The following ITIH5 variants were observed in gnomAD, a reference collection of about 807,000 sequenced individuals.
ITIH5 encodes the protein inter-alpha-trypsin inhibitor heavy chain H5.
ITIH5 carries 65 observed loss-of-function variants against 77.5 expected under a neutral mutation model. That is an observed-to-expected ratio of 0.84 (90% CI 0.69 to 1.03). ITIH5 has a LOEUF of 1.03. Ranked by LOEUF, ITIH5 falls within the 50% of genes least tolerant of loss-of-function variation. The pLI is 0.00. For missense variants in ITIH5, 1,208 were observed against 1,213.1 expected (o/e 1.00, Z 0.06); for synonymous variants, 525 against 494.3 (o/e 1.06, Z -0.82).
rs556807373 is a variant in ITIH5 at position 7,579,787 on chromosome 10, G to C, written c.1386C>G (p.His462Gln). 3.1e-6 allele frequency: 5 copies of C among 1,614,018 alleles called. No individual in the cohort carries two copies. In the East Asian group the frequency reaches 1.1e-4, roughly 36 times the overall value. Residue 462 changes from histidine to glutamine, a missense_variant, in exon 9 of 14, where the codon CAC becomes CAG. Physicochemically the swap from His to Gln is conservative, Grantham distance 24. Transcript: ENST00000397146. ...LENCGLTRRV[H>Q]EEEDAGSQLI... ...GCTGCGAGCCTGCGTCCTCCTCCTCGTGCACGCGCCGTGTGAGGCCACAGT... is the reference window on the plus strand; with the variant it reads ...GCTGCGAGCCTGCGTCCTCCTCCTCCTGCACGCGCCGTGTGAGGCCACAGT...
chr10:7,569,707 C>T lies in ITIH5; in HGVS notation c.2110G>A (p.Gly704Arg), dbSNP rs200227889. Residue 704 changes from glycine (G) to arginine (R), a missense_variant, in exon 12 of 14, where the codon GGG (glycine) becomes AGG (arginine). Transcript: ENST00000397146. ...TCAGAGACCAGCCTGAGGATGTCCC[C>T]GGGCTGCCCATCAATGTTGAAGCAC... ...TVCFNIDGQP[G>R]DILRLVSDHR... 5.3e-5 allele frequency: 85 copies of T among 1,612,260 alleles called. 1 individual carries two copies. The highest frequency in any genetic ancestry group is 9.3e-5 in the African/African-American group (7 of 74,922).
intron 5 of ITIH5, among the ~76,000 whole-genome samples, chr10:7,624,920 T>C (rs1283964751): frequency 7.0e-6 from 1 of 142,624 alleles, no homozygotes; most frequent in South Asian, 2.2e-4. Context: ...TATATATATA[T>C]ATGCATTATC....
At position 7,645,643 on chromosome 10, in the gene ITIH5, G is replaced by T. The variant is rs150680483; in HGVS notation, c.136-3553C>A. ...GATTTACGGCAAAGCTAAAACTGAG[G>T]AATAAAACCTTTGGGTTTAGGAAAT... On this transcript the variant is annotated intron_variant, in intron 2 of 13. Transcript: ENST00000397146. Among the ~76,000 whole-genome samples, 15 of 152,292 alleles carry T rather than the reference G, an allele frequency of 9.8e-5. No individual in the cohort carries two copies. In the East Asian group the frequency reaches 2.9e-3, roughly 29 times the overall value.
chr10:7,566,465 A>C, intron 12 of ITIH5, 58 bp from the exon 13 acceptor site: 8 of 1,520,770 alleles, frequency 5.3e-6, no homozygotes, highest in East Asian at 2.3e-5. Context: ...GTGGTGGCTC[A>C]CACCTGTAAT....
rs941965314 is a variant in ITIH5, at chr10:7,565,907, A to G, written c.2527+123T>C. ...ATACATACATATGCGGACTGTATAT[A>G]TAATGAAAACCACATTCCTATTGAA... On this transcript the variant is annotated intron_variant, in intron 13 of 13. Transcript: ENST00000397146. 8 of 1,333,986 alleles carry G rather than the reference A, an allele frequency of 6.0e-6. No individual in the cohort carries two copies. In the African/African-American group the frequency reaches 1.0e-4, roughly 17 times the overall value. The allele number at this position is 1,333,986 out of a possible 1,614,324, so 82.6% of individuals were successfully genotyped here.
intron 7 of ITIH5, among the ~76,000 whole-genome samples, chr10:7,615,189 T>C (rs1015481145): frequency 6.6e-6 from 1 of 152,068 alleles, no homozygotes; most frequent in African/African-American, 2.4e-5. Flanking sequence ...AGAGGTTGCA[T>C]GCAGTGAGCT....
chr10:7,665,118 C>G (rs1834340882), intron 1 of ITIH5, among the ~76,000 whole-genome samples: 2 of 152,036 alleles, frequency 1.3e-5, no homozygotes, highest in African/African-American at 4.8e-5. Context: ...TAGTCATTTT[C>G]AAGATAAATA....
intron 1 of ITIH5, among the ~76,000 whole-genome samples, chr10:7,659,250 A>T (rs1046174685): frequency 6.6e-6 from 1 of 151,886 alleles, no homozygotes; most frequent in Admixed American, 6.6e-5. Flanking sequence ...GTCGTGGCAC[A>T]CACCTATATT....
intron 7 of ITIH5, among the ~76,000 whole-genome samples, chr10:7,602,876 A>C (rs1241781137): frequency 6.6e-6 from 1 of 152,024 alleles, no homozygotes; most frequent in African/African-American, 2.4e-5. Flanking sequence ...CTTCTTCCAC[A>C]TTCATAGTCA....
chr10:7,622,499 G>A (rs1160345035), intron 5 of ITIH5: 1 of 151,900 alleles, frequency 6.6e-6, no homozygotes, highest in Non-Finnish European at 1.5e-5. Context: ...GTAGTTTTTT[G>A]TACTTTGTCC....
In ITIH5 at chr10:7,572,069, C is replaced by A. The variant is rs1469457424; in HGVS notation, c.2032+1073G>T. On this transcript the variant is annotated intron_variant, in intron 11 of 13. Coordinates refer to ENST00000397146, the MANE Select transcript of ITIH5 (RefSeq NM_030569.7). ...AGGGGAGGGTCAAAAAGTCATTACTCCAGGCAGCATCCAAGAGGAAGCTTT... is the reference window on the plus strand; with the variant it reads ...AGGGGAGGGTCAAAAAGTCATTACTACAGGCAGCATCCAAGAGGAAGCTTT... The A allele has an allele frequency of 2.9e-6, 3 of 1,033,266 alleles. No homozygotes were observed. The Admixed American group carries it at 1.5e-4, about 53-fold the overall frequency. 64.0% of individuals were successfully genotyped at this position (1,033,266 alleles called of 1,614,324 possible).
At position 7,656,530 on chromosome 10, in the gene ITIH5, A is replaced by T. The variant is rs113048640; in HGVS notation, c.91-855T>A. Reference sequence around the variant, plus strand: ...TGTGCCCAGCCAAAAGATTTTTTTTAAAAAAAACTCATTAATAATTAATTA... The same window carrying T: ...TGTGCCCAGCCAAAAGATTTTTTTTTAAAAAAACTCATTAATAATTAATTA... On this transcript the variant is annotated intron_variant, in intron 1 of 13. Transcript: ENST00000397146. 4.5e-3 allele frequency among the ~76,000 whole-genome samples: 678 copies of T among 151,786 alleles called. 5 individuals carry two copies. The highest frequency in any genetic ancestry group is 0.011 in the African/African-American group (474 of 41,400).
intron 7 of ITIH5, among the ~76,000 whole-genome samples, chr10:7,596,947 G>A (rs1164214622): frequency 1.3e-5 from 2 of 149,362 alleles, no homozygotes; most frequent in East Asian, 2.0e-4. Flanking sequence ...CTCGGGAGGT[G>A]AGGCGGGAGA....
intron 7 of ITIH5, among the ~76,000 whole-genome samples, chr10:7,614,590 C>G (rs999889608): frequency 6.6e-6 from 1 of 152,066 alleles, no homozygotes; most frequent in Non-Finnish European, 1.5e-5. Flanking sequence ...GACTGGATAC[C>G]CCGGCTCTGA....
At chr10:7,639,987 G>C (rs992233021) in intron 4 of ITIH5, among the ~76,000 whole-genome samples, 4 of 151,778 alleles carry the variant, frequency 2.6e-5, no homozygotes, top group African/African-American at 9.7e-5. Flanking sequence ...AGAAATAAAA[G>C]AATAATATAA....
rs941606095 is a variant in ITIH5 at position 7,637,364 on chromosome 10, G to A, written c.516C>T (p.His172=). 1.2e-6 allele frequency: 2 copies of A among 1,614,228 alleles called. No homozygotes were observed. Among genetic ancestry groups the A allele is most frequent in the Admixed American group, 1.7e-5 (1 of 60,032 alleles). The part of the protein sequence containing the change: ...LLQRRLGKYE[H]SISVRPQQLS... ...GCTGCTGGGGCCGCACGCTGATGCTGTGCTCGTACTTGCCCAGGCGCCTCT... is the reference window on the plus strand; with the variant it reads ...GCTGCTGGGGCCGCACGCTGATGCTATGCTCGTACTTGCCCAGGCGCCTCT... The change falls in exon 5 of 14, where the codon CAC becomes CAT. Residue 172 remains histidine, a synonymous_variant. Transcript: ENST00000397146.
chr10:7,587,920 T>C (rs199968724), intron 7 of ITIH5, among the ~76,000 whole-genome samples: 29 of 152,280 alleles, frequency 1.9e-4, no homozygotes, highest in East Asian at 1.4e-3. Flanking sequence ...CTAGGTGAAA[T>C]AACCACTGCT....
intron 5 of ITIH5, among the ~76,000 whole-genome samples, chr10:7,623,802 C>CA (rs55790282): frequency 0.58 from 46,397 of 80,130 alleles, 12,608 homozygotes; most frequent in East Asian, 0.65. Context: ...GACTCCATCT[C>CA]AAAAAAAAAA....
At chr10:7,589,265 C>T (rs1832744500) in intron 7 of ITIH5, among the ~76,000 whole-genome samples, 1 of 152,132 alleles carries the variant, frequency 6.6e-6, no homozygotes, top group African/African-American at 2.4e-5. Context: ...CAAGACCAGC[C>T]TGGCCCATGT....
Sources: allele counts gnomAD v4.1 joint callset (sites outside exome capture counted in the v4.1 genomes callset), GRCh38; gene constraint gnomAD v4.1.1; transcripts MANE v1.5; gene names NCBI Gene and HGNC (gene_info 2026-07-23, HGNC 2026-07-21).